OSBPL8: variants seen among roughly 807,000 people sequenced by gnomAD.
The protein encoded by OSBPL8 is oxysterol-binding protein-related protein 8.
In OSBPL8, 59 loss-of-function variants were observed where a neutral mutation model predicts 125.5. The ratio of observed to expected loss-of-function variants is 0.47; its 90% CI spans 0.38 to 0.58. The LOEUF (loss-of-function observed/expected upper bound fraction) is 0.58, where lower values mean the gene tolerates loss of function less well. Among genes scored for constraint, OSBPL8 ranks in the 20% least tolerant of loss-of-function variants. The pLI is 0.00. For synonymous variants in OSBPL8, 330 were observed against 338.9 expected (o/e 0.97, Z 0.29); for missense variants, 758 against 1,047.8 (o/e 0.72, Z 3.82).
At chr12:76,527,815 G>A (rs1274032144) in intron 1 of OSBPL8, among the ~76,000 whole-genome samples, 1 of 152,066 alleles carries the variant, frequency 6.6e-6, no homozygotes, top group South Asian at 2.1e-4. Context: ...CTTTTCCTAA[G>A]GAGGAAAATA....
intron 21 of OSBPL8, among the ~76,000 whole-genome samples, chr12:76,361,459 A>T (rs1341966006): frequency 6.6e-6 from 1 of 152,166 alleles, no homozygotes; most frequent in African/African-American, 2.4e-5. Flanking sequence ...TCTTCTTCTG[A>T]GCCCTCCAAA....
At chr12:76,461,679 C>T (rs374589826) in intron 2 of OSBPL8, among the ~76,000 whole-genome samples, 12 of 152,020 alleles carry the variant, frequency 7.9e-5, no homozygotes, top group East Asian at 3.9e-4. Context: ...CCTTCTGATC[C>T]GTCCACCTCA....
At chr12:76,482,500 C>A (rs1158628391) in intron 2 of OSBPL8, among the ~76,000 whole-genome samples, 3 of 152,048 alleles carry the variant, frequency 2.0e-5, no homozygotes, top group Admixed American at 2.0e-4. Context: ...GTAATCCCAG[C>A]TACTTGGGAG....
At chr12:76,472,865 C>A (rs1240118519) in intron 2 of OSBPL8, among the ~76,000 whole-genome samples, 1 of 152,142 alleles carries the variant, frequency 6.6e-6, no homozygotes, top group Non-Finnish European at 1.5e-5. Context: ...TAACTGTGGG[C>A]AGGCCTGACT....
chr12:76,447,051 T>G (rs1872794143), intron 4 of OSBPL8, among the ~76,000 whole-genome samples: 1 of 152,178 alleles, frequency 6.6e-6, no homozygotes, highest in African/African-American at 2.4e-5. Context: ...CTTTAAAGAT[T>G]TCATTAACAC....
intron 1 of OSBPL8, among the ~76,000 whole-genome samples, chr12:76,492,761 C>A (rs1878857367): frequency 6.6e-6 from 1 of 152,146 alleles, no homozygotes; most frequent in South Asian, 2.1e-4. Flanking sequence ...AGGGCTCCCA[C>A]TGATTCTACA....
chr12:76,366,921 T>C (rs1230536758), intron 21 of OSBPL8, among the ~76,000 whole-genome samples: 1 of 152,072 alleles, frequency 6.6e-6, no homozygotes, highest in East Asian at 1.9e-4. Flanking sequence ...CTCAACCAAC[T>C]GAGTAGCTGG....
chr12:76,461,139 C>G (rs2136830947), intron 2 of OSBPL8, among the ~76,000 whole-genome samples: 1 of 152,320 alleles, frequency 6.6e-6, no homozygotes. Context: ...CCTCCAGCCT[C>G]TGCCTCCCAA....
chr12:76,462,899 C>T (rs964520148), intron 2 of OSBPL8, among the ~76,000 whole-genome samples: 3 of 152,048 alleles, frequency 2.0e-5, no homozygotes, highest in African/African-American at 7.2e-5. Flanking sequence ...GCCAATGAGG[C>T]TGGAATGCAA....
chr12:76,528,330 CAAAAAAA>C (rs35479771), intron 1 of OSBPL8, among the ~76,000 whole-genome samples: 1 of 93,682 alleles, frequency 1.1e-5, no homozygotes, highest in Non-Finnish European at 2.1e-5. Flanking sequence ...GACTCCGTCT[CAAAAAAA>C]AAAAAAAAAA....
At chr12:76,536,298 C>T (rs61925555) in intron 1 of OSBPL8, among the ~76,000 whole-genome samples, 27,274 of 151,476 alleles carry the variant, frequency 0.18, 2,873 homozygotes, top group Non-Finnish European at 0.26. Context: ...ACCTGCCTGG[C>T]CAACATGGTG....
chr12:76,402,438 T>C (rs1954087293), intron 6 of OSBPL8, among the ~76,000 whole-genome samples: 1 of 152,174 alleles, frequency 6.6e-6, no homozygotes, highest in African/African-American at 2.4e-5. Flanking sequence ...AGATAACACA[T>C]CCTCAGCCTC....
chr12:76,489,673 A>G (rs896635585), intron 1 of OSBPL8, among the ~76,000 whole-genome samples: 2 of 152,234 alleles, frequency 1.3e-5, no homozygotes, highest in African/African-American at 4.8e-5. Flanking sequence ...TGGTCACCCA[A>G]AAGTTCTGGT....
chr12:76,482,019 G>C (rs73385511), intron 2 of OSBPL8, among the ~76,000 whole-genome samples: 26,705 of 152,114 alleles, frequency 0.18, 2,512 homozygotes, highest in Middle Eastern at 0.24. Flanking sequence ...TCATCTCTAG[G>C]CTCTCCAGGA....
At chr12:76,531,527 A>G (rs987552137) in intron 1 of OSBPL8, among the ~76,000 whole-genome samples, 7 of 152,208 alleles carry the variant, frequency 4.6e-5, no homozygotes, top group African/African-American at 1.7e-4. Context: ...AGACAGGAAA[A>G]TATTAATAAG....
At chr12:76,426,105 G>T (rs1348032201) in intron 4 of OSBPL8, among the ~76,000 whole-genome samples, 1 of 152,128 alleles carries the variant, frequency 6.6e-6, no homozygotes, top group Non-Finnish European at 1.5e-5. Context: ...GTATGTAAAT[G>T]AACAGAAATC....
chr12:76,489,542 A>G (rs1369618888), intron 1 of OSBPL8, among the ~76,000 whole-genome samples: 1 of 152,192 alleles, frequency 6.6e-6, no homozygotes, highest in Non-Finnish European at 1.5e-5. Flanking sequence ...TAAAACAACA[A>G]AGCCTGTATG....
At chr12:76,479,327 C>T (rs1420529087) in intron 2 of OSBPL8, among the ~76,000 whole-genome samples, 1 of 152,086 alleles carries the variant, frequency 6.6e-6, no homozygotes, top group African/African-American at 2.4e-5. Flanking sequence ...ATAAATATAT[C>T]CACCCACTAC....
chr12:76,558,163 T>C (rs1480211794), intron 1 of OSBPL8, among the ~76,000 whole-genome samples: 1 of 152,204 alleles, frequency 6.6e-6, no homozygotes, highest in Non-Finnish European at 1.5e-5. Context: ...TTGAAATTAG[T>C]TGTACTTTTA....
Sources: allele counts gnomAD v4.1 joint callset (sites outside exome capture counted in the v4.1 genomes callset), GRCh38; gene constraint gnomAD v4.1.1; transcripts MANE v1.5; gene names NCBI Gene and HGNC (gene_info 2026-07-23, HGNC 2026-07-21).